The following MAGI2 variants were observed in gnomAD, a reference collection of about 807,000 sequenced individuals.
The protein encoded by MAGI2 is membrane associated guanylate kinase, WW and PDZ domain containing 2, also known as membrane-associated guanylate kinase, WW and PDZ domain-containing protein 2.
MAGI2 carries 35 observed loss-of-function variants against 133.3 expected under a neutral mutation model. The observed-to-expected ratio is 0.26, with a 90% CI of 0.20 to 0.35. The LOEUF (loss-of-function observed/expected upper bound fraction) is 0.35. Among genes scored for constraint, MAGI2 ranks in the 10% least tolerant of loss-of-function variants. The probability of loss-of-function intolerance (pLI) is 1.00; values close to 1 mark genes in which losing one functional copy is unlikely to be tolerated. For missense variants in MAGI2, 1,636 were observed against 1,863.4 expected (o/e 0.88, Z 2.25); for synonymous variants, 729 against 710.6 (o/e 1.03, Z -0.41).
At chr7:78,321,633 A>C (rs968452428) in intron 9 of MAGI2, among the ~76,000 whole-genome samples, 1 of 152,220 alleles carries the variant, frequency 6.6e-6, no homozygotes, top group African/African-American at 2.4e-5. Flanking sequence ...GATGGATTGA[A>C]GACTTAAATG....
At position 78,186,086 on chromosome 7, in the gene MAGI2, A is replaced by T. The variant is rs184861327; in HGVS notation, c.2270-416T>A. On this transcript the variant is annotated intron_variant, in intron 12 of 21. Coordinates refer to ENST00000354212, the MANE Select transcript of MAGI2 (RefSeq NM_012301.4). ...AAAACGTTGAAATGAAAAGTGGAAA[A>T]TCCAATCAATGATTGTATTGATTTA... Among the ~76,000 whole-genome samples, 11 of 152,288 alleles carry T rather than the reference A, an allele frequency of 7.2e-5. No individual in the cohort carries two copies. In the East Asian group the frequency reaches 2.1e-3, roughly 29 times the overall value.
chr7:79,228,514 T>A (rs962156652), intron 1 of MAGI2, among the ~76,000 whole-genome samples: 2 of 152,036 alleles, frequency 1.3e-5, no homozygotes, highest in African/African-American at 4.8e-5. Flanking sequence ...AAGGGTATTT[T>A]ATTGGATAAA....
chr7:79,111,192 A>G (rs1818897344), intron 1 of MAGI2, among the ~76,000 whole-genome samples: 1 of 152,252 alleles, frequency 6.6e-6, no homozygotes. Flanking sequence ...ATTTAAAAAT[A>G]TGGTCTTATT....
At chr7:78,993,478 G>A (rs1010738873) in intron 2 of MAGI2, among the ~76,000 whole-genome samples, 6 of 152,020 alleles carry the variant, frequency 3.9e-5, no homozygotes, top group African/African-American at 2.4e-5. Flanking sequence ...CAGACACAAT[G>A]TTTTTGCAGG....
chr7:79,433,127 A>G (rs1847887089), intron 1 of MAGI2, among the ~76,000 whole-genome samples: 1 of 152,224 alleles, frequency 6.6e-6, no homozygotes, highest in African/African-American at 2.4e-5. Flanking sequence ...TTTTTGTTTC[A>G]TACCTAAAAT....
At chr7:78,101,987 A>T (rs540203622) in intron 20 of MAGI2, among the ~76,000 whole-genome samples, 84 of 152,262 alleles carry the variant, frequency 5.5e-4, no homozygotes, top group Non-Finnish European at 9.0e-4. Context: ...TGAATTTTTT[A>T]AAAAAATGGA....
intron 10 of MAGI2, among the ~76,000 whole-genome samples, chr7:78,250,054 A>C (rs1031664063): frequency 4.6e-5 from 7 of 152,034 alleles, no homozygotes; most frequent in African/African-American, 7.2e-5. Context: ...CATTAGCTTT[A>C]GTGGGAATCT....
At chr7:79,044,741 A>C (rs1812008850) in intron 1 of MAGI2, among the ~76,000 whole-genome samples, 1 of 152,262 alleles carries the variant, frequency 6.6e-6, no homozygotes, top group Non-Finnish European at 1.5e-5. Flanking sequence ...TACAAAATCA[A>C]TGTACAAAAA....
chr7:78,464,356 C>T (rs1790393744), intron 6 of MAGI2, among the ~76,000 whole-genome samples: 1 of 152,068 alleles, frequency 6.6e-6, no homozygotes, highest in Admixed American at 6.6e-5. Context: ...TTAGTTCATG[C>T]CTTACCTGAC....
chr7:79,165,682 G>T (rs1461594365), intron 1 of MAGI2, among the ~76,000 whole-genome samples: 2 of 151,956 alleles, frequency 1.3e-5, no homozygotes, highest in African/African-American at 4.8e-5. Context: ...TTCCTGTAGT[G>T]TTTTAATTTT....
At chr7:78,801,479 T>C (rs1583944655) in intron 2 of MAGI2, among the ~76,000 whole-genome samples, 1 of 152,156 alleles carries the variant, frequency 6.6e-6, no homozygotes, top group African/African-American at 2.4e-5. Flanking sequence ...CCATTATTGA[T>C]AATGTACTGT....
At chr7:79,362,658 T>A (rs1842439663) in intron 1 of MAGI2, among the ~76,000 whole-genome samples, 1 of 152,056 alleles carries the variant, frequency 6.6e-6, no homozygotes, top group Admixed American at 6.5e-5. Flanking sequence ...TAAGGTAATC[T>A]ATCGTATCAA....
intron 2 of MAGI2, among the ~76,000 whole-genome samples, chr7:78,972,410 A>C (rs1803868498): frequency 6.6e-6 from 1 of 151,880 alleles, no homozygotes; most frequent in South Asian, 2.1e-4. Context: ...TGTTTCTTAA[A>C]TATCCTTTTA....
chr7:78,676,534 A>G (rs971447413), intron 2 of MAGI2, among the ~76,000 whole-genome samples: 9 of 152,146 alleles, frequency 5.9e-5, no homozygotes, highest in African/African-American at 1.9e-4. Context: ...TTTAAAGTAT[A>G]TATCTGTATG....
At chr7:78,821,405 T>TG (rs1790098185) in intron 2 of MAGI2, among the ~76,000 whole-genome samples, 1 of 151,928 alleles carries the variant, frequency 6.6e-6, no homozygotes, top group African/African-American at 2.4e-5. Context: ...AATAACAGGT[T>TG]GATAAGTATG....
intron 20 of MAGI2, among the ~76,000 whole-genome samples, chr7:78,099,301 C>A (rs1204226983): frequency 6.6e-6 from 1 of 152,094 alleles, no homozygotes; most frequent in Non-Finnish European, 1.5e-5. Context: ...AACCATTTGA[C>A]ATTTTCTTTA....
intron 6 of MAGI2, among the ~76,000 whole-genome samples, chr7:78,434,053 T>A (rs988815789): frequency 6.6e-6 from 1 of 152,316 alleles, no homozygotes; most frequent in African/African-American, 2.4e-5. Context: ...CTTTGCTTTT[T>A]GCTTCAGTTG....
chr7:79,186,531 C>T (rs1192181537), intron 1 of MAGI2, among the ~76,000 whole-genome samples: 4 of 149,028 alleles, frequency 2.7e-5, no homozygotes, highest in African/African-American at 7.4e-5. Context: ...TACACACATA[C>T]TTTGTCATTT....
At chr7:78,859,561 A>G (rs544274971) in intron 2 of MAGI2, among the ~76,000 whole-genome samples, 1 of 152,198 alleles carries the variant, frequency 6.6e-6, no homozygotes, top group African/African-American at 2.4e-5. Context: ...AATGTTGAAT[A>G]TTGGCCCCCA....
Sources: allele counts gnomAD v4.1 joint callset (sites outside exome capture counted in the v4.1 genomes callset), GRCh38; gene constraint gnomAD v4.1.1; transcripts MANE v1.5; gene names NCBI Gene and HGNC (gene_info 2026-07-23, HGNC 2026-07-21).